LHFPL3: variants seen among roughly 807,000 people sequenced by gnomAD.
The protein encoded by LHFPL3 is LHFPL tetraspan subfamily member 3 protein.
Under a neutral mutation model 19.3 loss-of-function variants are expected in LHFPL3, and 5 were observed. The ratio of observed to expected loss-of-function variants is 0.26; its 90% CI spans 0.14 to 0.54. The LOEUF (loss-of-function observed/expected upper bound fraction) is 0.54, where lower values mean the gene tolerates loss of function less well. Among genes scored for constraint, LHFPL3 ranks in the 20% least tolerant of loss-of-function variants. LHFPL3 has a pLI of 0.94. For synonymous variants in LHFPL3, 133 were observed against 126.2 expected (o/e 1.05, Z -0.36); for missense variants, 249 against 307.4 (o/e 0.81, Z 1.42).
intron 2 of LHFPL3, among the ~76,000 whole-genome samples, chr7:104,794,085 C>T (rs1356338167): frequency 6.6e-6 from 1 of 152,160 alleles, no homozygotes; most frequent in Admixed American, 6.5e-5. Flanking sequence ...GATCGGCACA[C>T]TTTTTCTTAT....
At chr7:104,559,253 C>T (rs988458597) in intron 1 of LHFPL3, among the ~76,000 whole-genome samples, 15 of 137,938 alleles carry the variant, frequency 1.1e-4, no homozygotes, top group African/African-American at 2.8e-4. Context: ...GGCATTGAAT[C>T]TGTAAATTAC....
At chr7:104,356,084 G>A (rs1201733649) in intron 1 of LHFPL3, among the ~76,000 whole-genome samples, 2 of 152,212 alleles carry the variant, frequency 1.3e-5, no homozygotes, top group African/African-American at 4.8e-5. Flanking sequence ...TGAAATGATT[G>A]TATTAGGATA....
intron 1 of LHFPL3, among the ~76,000 whole-genome samples, chr7:104,552,884 C>A (rs532326764): frequency 6.0e-4 from 92 of 152,206 alleles, no homozygotes; most frequent in Non-Finnish European, 5.3e-4. Flanking sequence ...TGGGTGCAGA[C>A]CCTAGTTCTG....
chr7:104,447,683 C>T (rs1039618525), intron 1 of LHFPL3, among the ~76,000 whole-genome samples: 1 of 152,022 alleles, frequency 6.6e-6, no homozygotes, highest in African/African-American at 2.4e-5. Flanking sequence ...ACCTTTTTGA[C>T]TTCTGTGTTT....
At chr7:104,387,998 T>A (rs927909015) in intron 1 of LHFPL3, among the ~76,000 whole-genome samples, 2 of 152,184 alleles carry the variant, frequency 1.3e-5, no homozygotes, top group African/African-American at 4.8e-5. Context: ...TGTGTCCATA[T>A]GTACTCAATG....
At chr7:104,701,600 G>C (rs935779513) in intron 1 of LHFPL3, among the ~76,000 whole-genome samples, 28 of 152,334 alleles carry the variant, frequency 1.8e-4, no homozygotes, top group African/African-American at 6.7e-4. Flanking sequence ...AGGAAAAGGA[G>C]GGGTTGGTCT....
At chr7:104,422,311 A>C (rs1281037798) in intron 1 of LHFPL3, among the ~76,000 whole-genome samples, 1 of 152,176 alleles carries the variant, frequency 6.6e-6, no homozygotes, top group Admixed American at 6.5e-5. Flanking sequence ...CAGTGAGCCG[A>C]GATTGTGCCA....
At chr7:104,734,209 C>T (rs1793758341) in intron 1 of LHFPL3, among the ~76,000 whole-genome samples, 1 of 152,130 alleles carries the variant, frequency 6.6e-6, no homozygotes, top group Non-Finnish European at 1.5e-5. Context: ...GGAGTTGCTC[C>T]TCTCAGGGAG....
chr7:104,673,082 A>C (rs1395244630), intron 1 of LHFPL3, among the ~76,000 whole-genome samples: 1 of 152,196 alleles, frequency 6.6e-6, no homozygotes, highest in African/African-American at 2.4e-5. Context: ...TACAAATCCC[A>C]TTATGACATC....
At chr7:104,694,184 T>G (rs988709372) in intron 1 of LHFPL3, among the ~76,000 whole-genome samples, 1 of 152,240 alleles carries the variant, frequency 6.6e-6, no homozygotes, top group South Asian at 2.1e-4. Context: ...GGGTTATCTA[T>G]GCATGCATTC....
intron 2 of LHFPL3, among the ~76,000 whole-genome samples, chr7:104,749,987 T>C (rs965364522): frequency 6.6e-6 from 1 of 152,336 alleles, no homozygotes; most frequent in Non-Finnish European, 1.5e-5. Context: ...ATCTTGGTCA[T>C]GATTTTTTGA....
intron 1 of LHFPL3, among the ~76,000 whole-genome samples, chr7:104,380,931 T>A (rs988455527): frequency 6.6e-6 from 1 of 151,576 alleles, no homozygotes; most frequent in Non-Finnish European, 1.5e-5. Flanking sequence ...TTGTGTAGAT[T>A]TAATTGAAAA....
intron 2 of LHFPL3, among the ~76,000 whole-genome samples, chr7:104,771,914 C>T (rs1173469960): frequency 4.2e-5 from 6 of 143,996 alleles, no homozygotes; most frequent in African/African-American, 1.0e-4. Context: ...CTCTGCCTCC[C>T]GGGTTCAAGC....
intron 1 of LHFPL3, among the ~76,000 whole-genome samples, chr7:104,535,124 T>C (rs1794368474): frequency 6.6e-6 from 1 of 152,184 alleles, no homozygotes; most frequent in African/African-American, 2.4e-5. Flanking sequence ...CCACCAGATG[T>C]TTTAGGTATA....
At chr7:104,515,857 A>G (rs1793910086) in intron 1 of LHFPL3, among the ~76,000 whole-genome samples, 1 of 152,104 alleles carries the variant, frequency 6.6e-6, no homozygotes, top group South Asian at 2.1e-4. Flanking sequence ...AAGGATGAAG[A>G]GTTCTTCTAG....
chr7:104,907,007 T>C lies in LHFPL3; in HGVS notation c.*792T>C, dbSNP rs1792633712. 6.6e-6 allele frequency: 1 copy of C among 152,608 alleles called. No homozygotes were observed. The highest frequency in any genetic ancestry group is 2.1e-4 in the South Asian group (1 of 4,834). The allele number at this position is 152,608 out of a possible 1,614,324, so 9.5% of individuals were successfully genotyped here. ...CTTTCAGGAAACAGCATCAAGGAAC[T>C]CTGAAAAATATAGAAAAAGTTCATT... is the stretch of plus-strand genomic sequence containing the variant. On this transcript the variant is annotated 3_prime_UTR_variant, in exon 3 of 3. Transcript: ENST00000424859.
chr7:104,462,897 T>C (rs1388478777), intron 1 of LHFPL3, among the ~76,000 whole-genome samples: 1 of 152,172 alleles, frequency 6.6e-6, no homozygotes, highest in Admixed American at 6.5e-5. Context: ...GTAGTCTCTT[T>C]ATAACTGATT....
intron 1 of LHFPL3, among the ~76,000 whole-genome samples, chr7:104,519,364 G>A (rs190144252): frequency 2.0e-5 from 3 of 152,200 alleles, no homozygotes; most frequent in East Asian, 3.9e-4. Context: ...GAAAGCATTG[G>A]GAACTTTTGG....
intron 2 of LHFPL3, among the ~76,000 whole-genome samples, chr7:104,851,236 G>C (rs1224656558): frequency 1.3e-5 from 2 of 152,182 alleles, no homozygotes; most frequent in Non-Finnish European, 1.5e-5. Context: ...TATTTCTCTG[G>C]AAAGAAATAT....
Sources: gnomAD v4.1 joint callset for allele counts (sites outside exome capture counted in the v4.1 genomes callset) on GRCh38, gnomAD v4.1.1 for gene constraint, MANE v1.5 for transcripts, NCBI Gene and HGNC (gene_info 2026-07-23, HGNC 2026-07-21) for gene names.